Variants in HHIPL2 observed in about 807,000 individuals in gnomAD.
HHIPL2 encodes the protein HHIP like 2.
Under a neutral mutation model 61.0 loss-of-function variants are expected in HHIPL2, and 61 were observed. The observed-to-expected ratio is 1.00, with a 90% confidence interval of 0.81 to 1.24. The LOEUF (loss-of-function observed/expected upper bound fraction) is 1.24. HHIPL2 is among the 50% of genes most tolerant of loss of function. The pLI is 0.00. For missense variants in HHIPL2, 885 were observed against 910.2 expected (o/e 0.97, Z 0.36); for synonymous variants, 343 against 357.4 (o/e 0.96, Z 0.45).
chr1:222,544,341 CTG>C (rs1399531709), intron 1 of HHIPL2, 152 bp from the exon 2 acceptor site: 2 of 782,262 alleles, frequency 2.6e-6, no homozygotes, highest in African/African-American at 3.5e-5. Context: ...AAACTCTTCT[CTG>C]TGATTTTCTA....
intron 5 of HHIPL2, among the ~76,000 whole-genome samples, chr1:222,533,364 C>CA (rs11432197): frequency 0.38 from 47,959 of 127,496 alleles, 8,473 homozygotes; most frequent in East Asian, 0.62. Context: ...GACTCTGTCT[C>CA]AAAAAAAAAA....
intron 7 of HHIPL2, 93 bp downstream of exon 7, chr1:222,526,876 T>G: frequency 1.0e-6 from 1 of 956,540 alleles, no homozygotes; most frequent in Non-Finnish European, 1.6e-6. Flanking sequence ...AACATGAGTT[T>G]GCTTCGGGAC....
intron 4 of HHIPL2, among the ~76,000 whole-genome samples, chr1:222,539,238 GA>G: frequency 6.6e-6 from 1 of 152,252 alleles, no homozygotes; most frequent in South Asian, 2.1e-4. Flanking sequence ...TTGGTGTTTA[GA>G]AAGTGTCCTG....
chr1:222,527,461 C>T (rs954264298), intron 6 of HHIPL2, among the ~76,000 whole-genome samples: 2 of 151,966 alleles, frequency 1.3e-5, no homozygotes, highest in African/African-American at 4.8e-5. Flanking sequence ...TTTATTTTGC[C>T]CCTTCTTTAG....
chr1:222,536,921 A>T (rs1313647346), intron 5 of HHIPL2, among the ~76,000 whole-genome samples: 1 of 151,990 alleles, frequency 6.6e-6, no homozygotes, highest in Non-Finnish European at 1.5e-5. Context: ...GCTGGGTGCC[A>T]CAAGCTACTG....
intron 2 of HHIPL2, among the ~76,000 whole-genome samples, chr1:222,542,773 T>C (rs1659461145): frequency 6.6e-6 from 1 of 152,080 alleles, no homozygotes; most frequent in Admixed American, 6.6e-5. Flanking sequence ...TCCGCCCGCC[T>C]CAGCTTCCCA....
chr1:222,528,677 T>C (rs907422937), intron 6 of HHIPL2, among the ~76,000 whole-genome samples: 1 of 152,182 alleles, frequency 6.6e-6, no homozygotes, highest in Non-Finnish European at 1.5e-5. Context: ...GACCCAATGT[T>C]TGTGCCATTA....
chr1:222,539,391 G>A (rs1659376156), intron 4 of HHIPL2, among the ~76,000 whole-genome samples: 3 of 151,776 alleles, frequency 2.0e-5, no homozygotes, highest in Admixed American at 6.6e-5. Context: ...TTAGGTAGGA[G>A]TGGTGGTGCA....
chr1:222,529,781 C>T (rs1021170632), intron 6 of HHIPL2, among the ~76,000 whole-genome samples: 1 of 152,194 alleles, frequency 6.6e-6, no homozygotes, highest in African/African-American at 2.4e-5. Flanking sequence ...TCCACACCAG[C>T]CAGTCACTCA....
chr1:222,541,897 A>C (rs181137240), intron 3 of HHIPL2, 115 bp downstream of exon 3: 3 of 1,057,664 alleles, frequency 2.8e-6, no homozygotes, highest in African/African-American at 1.6e-5. Flanking sequence ...CCATTGCCTC[A>C]GTGGAGTAGA....
chr1:222,530,977 C>T (rs1659174569), intron 6 of HHIPL2, among the ~76,000 whole-genome samples: 1 of 151,944 alleles, frequency 6.6e-6, no homozygotes, highest in African/African-American at 2.4e-5. Context: ...TGAAACATAA[C>T]TTATGTAAAG....
chr1:222,530,659 C>A (rs1217255541), intron 6 of HHIPL2, among the ~76,000 whole-genome samples: 1 of 152,070 alleles, frequency 6.6e-6, no homozygotes, highest in Non-Finnish European at 1.5e-5. Context: ...ACCTCATGGC[C>A]CAGAGGGGAA....
intron 7 of HHIPL2, among the ~76,000 whole-genome samples, chr1:222,525,972 C>G (rs1347948350): frequency 6.6e-6 from 1 of 151,804 alleles, no homozygotes; most frequent in Admixed American, 6.6e-5. Flanking sequence ...GCAGTCCAGC[C>G]TGGGAAACAG....
chr1:222,534,055 G>C (rs1659247066), intron 5 of HHIPL2, among the ~76,000 whole-genome samples: 1 of 152,206 alleles, frequency 6.6e-6, no homozygotes. Flanking sequence ...AAGTACCACA[G>C]GGTATAGGTA....
intron 5 of HHIPL2, among the ~76,000 whole-genome samples, chr1:222,536,897 A>T (rs535428795): frequency 5.7e-4 from 77 of 135,454 alleles, no homozygotes; most frequent in South Asian, 1.7e-3. Flanking sequence ...AAAAAAAAAA[A>T]TTTTTTTTAA....
chr1:222,543,879 T>C lies in HHIPL2; in HGVS notation c.632A>G (p.Glu211Gly), dbSNP rs1394619543. The C allele has an allele frequency of 6.2e-7, 1 of 1,614,040 alleles. No homozygotes were observed. Among genetic ancestry groups the C allele is most frequent in the Non-Finnish European group, 8.5e-7 (1 of 1,180,026 alleles). Reference sequence around the variant, plus strand: ...GGGGTTCCTCAGCCCGTTGGCCACCTCGCTCAGGCAGAGCTGCAGGCAGCC... The same window carrying C: ...GGGGTTCCTCAGCCCGTTGGCCACCCCGCTCAGGCAGAGCTGCAGGCAGCC... ...PQGCLQLCLS[E>G]VANGLRNPVS... The change falls in exon 2 of 9, where the codon GAG becomes GGG. Residue 211 changes from glutamate to glycine, a missense_variant. Transcript: ENST00000343410.
intron 3 of HHIPL2, 121 bp downstream of exon 3, chr1:222,541,891 T>G (rs1309370613): frequency 5.0e-6 from 5 of 991,046 alleles, no homozygotes; most frequent in Non-Finnish European, 7.2e-6. Flanking sequence ...TTCCTCCCAT[T>G]GCCTCAGTGG....
intron 7 of HHIPL2, chr1:222,524,105 G>A (rs1659013605): frequency 5.9e-6 from 1 of 170,482 alleles, no homozygotes; most frequent in African/African-American, 2.4e-5. Flanking sequence ...ATGATGATGA[G>A]GATGATTCTG....
chr1:222,530,086 T>C (rs1016918061), intron 6 of HHIPL2, among the ~76,000 whole-genome samples: 1 of 152,178 alleles, frequency 6.6e-6, no homozygotes, highest in East Asian at 1.9e-4. Flanking sequence ...GGGTAAAGGC[T>C]TGGGAACACG....
Sources: gnomAD v4.1 joint callset for allele counts (sites outside exome capture counted in the v4.1 genomes callset) on GRCh38, gnomAD v4.1.1 for gene constraint, MANE v1.5 for transcripts, NCBI Gene and HGNC (gene_info 2026-07-23, HGNC 2026-07-21) for gene names.